Variants in FLT1 observed in about 807,000 individuals in gnomAD.
FLT1 encodes vascular endothelial growth factor receptor 1.
In FLT1, 49 loss-of-function variants were observed where a neutral mutation model predicts 156.3. The ratio of observed to expected loss-of-function variants is 0.31; its 90% confidence interval spans 0.25 to 0.40. The LOEUF (loss-of-function observed/expected upper bound fraction) is 0.40. FLT1 is among the 10% of genes least tolerant of loss of function. The probability of loss-of-function intolerance (pLI) is 1.00; values close to 1 mark genes in which losing one functional copy is unlikely to be tolerated. For synonymous variants in FLT1, 594 were observed against 583.8 expected, an observed-to-expected ratio of 1.02 and a Z score of -0.25; for missense variants, 1,322 against 1,637.2, an observed-to-expected ratio of 0.81 and a Z score of 3.32.
chr13:28,306,438 C>T (rs1344076060), intron 29 of FLT1, among the ~76,000 whole-genome samples: 1 of 152,224 alleles, frequency 6.6e-6, no homozygotes, highest in African/African-American at 2.4e-5. Context: ...CTGGCCACAT[C>T]TGGACTGCCT....
chr13:28,315,135 T>C (rs891353003), intron 25 of FLT1, among the ~76,000 whole-genome samples: 1 of 152,298 alleles, frequency 6.6e-6, no homozygotes, highest in Non-Finnish European at 1.5e-5. Context: ...ATCTGTGAAA[T>C]GGGGATCATG....
intron 28 of FLT1, among the ~76,000 whole-genome samples, chr13:28,308,053 T>G (rs1213044477): frequency 3.3e-5 from 5 of 152,206 alleles, no homozygotes; most frequent in Non-Finnish European, 7.4e-5. Context: ...ATTACAGGCT[T>G]GAGCCACTGC....
chr13:28,347,322 A>C (rs1046157227), intron 15 of FLT1, among the ~76,000 whole-genome samples: 9 of 151,976 alleles, frequency 5.9e-5, no homozygotes, highest in African/African-American at 2.2e-4. Flanking sequence ...CAGGAGTTCA[A>C]AACCAGCCTG....
intron 8 of FLT1, 81 bp from the exon 9 acceptor site, chr13:28,428,002 G>T: frequency 1.6e-6 from 2 of 1,273,928 alleles, no homozygotes; most frequent in East Asian, 2.3e-5. Flanking sequence ...TGAAGTTTTT[G>T]AGCTCAAGTT....
chr13:28,405,120 C>T (rs577146183), intron 11 of FLT1, among the ~76,000 whole-genome samples: 1 of 151,972 alleles, frequency 6.6e-6, no homozygotes, highest in Non-Finnish European at 1.5e-5. Flanking sequence ...GAAAAAGCCA[C>T]TAGGTCTGAG....
rs370382868 is a variant in FLT1, at chr13:28,311,780, C to T, written c.3493-48G>A. 262 of 1,599,748 alleles carry T rather than the reference C, an allele frequency of 1.6e-4. 1 individual carries two copies. The African/African-American group carries it at 2.9e-3, about 18-fold the overall frequency. On this transcript the variant is annotated intron_variant, in intron 26 of 29. Transcript: ENST00000282397. Reference sequence around the variant, plus strand: ...CTCGTTGCACCAATTCTGACTTCAACAATTTCTATGAACCATTATGTCAAC... The same window carrying T: ...CTCGTTGCACCAATTCTGACTTCAATAATTTCTATGAACCATTATGTCAAC...
chr13:28,330,122 C>T (rs1871865367), intron 18 of FLT1, among the ~76,000 whole-genome samples: 1 of 152,260 alleles, frequency 6.6e-6, no homozygotes, highest in Non-Finnish European at 1.5e-5. Flanking sequence ...TCACCTTCTC[C>T]CTTTGGGGAG....
At chr13:28,368,498 T>A in intron 14 of FLT1, 1 of 1,531,152 alleles carries the variant, frequency 6.5e-7, no homozygotes, top group Non-Finnish European at 8.8e-7. Flanking sequence ...AAAGGATAAG[T>A]TCTTTGAAGT....
At chr13:28,393,388 C>T (rs1471275475) in intron 12 of FLT1, among the ~76,000 whole-genome samples, 1 of 152,070 alleles carries the variant, frequency 6.6e-6, no homozygotes, top group African/African-American at 2.4e-5. Context: ...ATAAAGAAGG[C>T]TCTACTGCCA....
chr13:28,389,162 A>T (rs1874549975), intron 13 of FLT1: 1 of 1,069,104 alleles, frequency 9.4e-7, no homozygotes, highest in Non-Finnish European at 1.1e-6. Context: ...AAAAAAAAGC[A>T]TTTTCAAATA....
intron 29 of FLT1, among the ~76,000 whole-genome samples, chr13:28,304,394 C>T (rs1870650680): frequency 1.3e-5 from 2 of 152,068 alleles, no homozygotes; most frequent in South Asian, 4.1e-4. Context: ...CTGTCTTTCC[C>T]ATTTACTTGT....
chr13:28,384,875 A>G lies in FLT1; in HGVS notation c.2116+10T>C. ...AGAAATAATAAATGGAAGAAAAAAA[A>G]GTCTCTTACCAGGCTCTTGTTGTAT... On this transcript the variant is annotated intron_variant, in intron 14 of 29. Transcript: ENST00000282397. 2 of 1,613,642 alleles carry G rather than the reference A, an allele frequency of 1.2e-6. No homozygotes were observed. Among genetic ancestry groups the G allele is most frequent in the Non-Finnish European group, 1.7e-6 (2 of 1,179,576 alleles).
At chr13:28,403,911 G>A (rs12863214) in intron 11 of FLT1, among the ~76,000 whole-genome samples, 31 of 152,008 alleles carry the variant, frequency 2.0e-4, no homozygotes, top group Admixed American at 5.9e-4. Context: ...GAGTGATGGC[G>A]TGTGCCTGTA....
intron 3 of FLT1, among the ~76,000 whole-genome samples, chr13:28,449,545 A>G (rs73455407): frequency 0.094 from 14,282 of 151,594 alleles, 895 homozygotes; most frequent in Admixed American, 0.19. Flanking sequence ...GTGATAAAAA[A>G]TCTCACTGAG....
intron 14 of FLT1, among the ~76,000 whole-genome samples, chr13:28,365,297 T>C (rs1462725232): frequency 1.3e-5 from 2 of 152,184 alleles, no homozygotes; most frequent in East Asian, 1.9e-4. Context: ...GAGAGGTCAC[T>C]GTATTTGAAT....
At chr13:28,434,695 C>A (rs1289449965) in intron 4 of FLT1, among the ~76,000 whole-genome samples, 1 of 152,118 alleles carries the variant, frequency 6.6e-6, no homozygotes, top group Non-Finnish European at 1.5e-5. Context: ...CCAGCCTGGC[C>A]AACATGGTGA....
intron 1 of FLT1, among the ~76,000 whole-genome samples, chr13:28,472,042 G>T (rs1236225789): frequency 1.3e-5 from 2 of 152,302 alleles, no homozygotes; most frequent in African/African-American, 2.4e-5. Context: ...CTGACACTTT[G>T]TATTGATCTT....
At chr13:28,372,119 T>C (rs1366997382) in intron 14 of FLT1, among the ~76,000 whole-genome samples, 2 of 135,366 alleles carry the variant, frequency 1.5e-5, no homozygotes, top group African/African-American at 5.6e-5. Context: ...TCTCGCTCTC[T>C]TTCCCAAGCT....
intron 10 of FLT1, among the ~76,000 whole-genome samples, chr13:28,415,779 G>A (rs1343295934): frequency 2.0e-5 from 3 of 152,180 alleles, no homozygotes; most frequent in African/African-American, 7.2e-5. Context: ...AATGAGAGTA[G>A]ATCCTTGGAT....
Sources: allele counts gnomAD v4.1 joint callset (sites outside exome capture counted in the v4.1 genomes callset), GRCh38; gene constraint gnomAD v4.1.1; transcripts MANE v1.5; gene names NCBI Gene and HGNC (gene_info 2026-07-23, HGNC 2026-07-21).